Variants in GALNTL6 observed in about 807,000 individuals in gnomAD.
The protein encoded by GALNTL6 is polypeptide N-acetylgalactosaminyltransferase like 6, also known as polypeptide N-acetylgalactosaminyltransferase-like 6.
GALNTL6 carries 46 observed loss-of-function variants against 73.7 expected under a neutral mutation model. The observed-to-expected ratio is 0.62, with a 90% CI of 0.49 to 0.80. The LOEUF is 0.80. GALNTL6 is among the 30% of genes least tolerant of loss of function. The pLI, the probability that GALNTL6 is intolerant of heterozygous loss-of-function variation, is 0.00. For missense variants in GALNTL6, 604 were observed against 755.0 expected (o/e 0.80, Z 2.34); for synonymous variants, 259 against 263.7 (o/e 0.98, Z 0.17).
chr4:172,787,605 G>GATGGAAT (rs1739734953), intron 5 of GALNTL6, among the ~76,000 whole-genome samples: 1 of 152,200 alleles, frequency 6.6e-6, no homozygotes, highest in Non-Finnish European at 1.5e-5. Context: ...ATGGAATACA[G>GATGGAAT]AGCCCAAAGT....
chr4:172,499,690 C>A (rs567889803), intron 5 of GALNTL6, among the ~76,000 whole-genome samples: 1 of 152,228 alleles, frequency 6.6e-6, no homozygotes, highest in South Asian at 2.1e-4. Flanking sequence ...AATGCTTCAC[C>A]TAACAGTAAA....
At chr4:172,362,691 C>T (rs566009791) in intron 5 of GALNTL6, among the ~76,000 whole-genome samples, 10 of 152,286 alleles carry the variant, frequency 6.6e-5, no homozygotes, top group South Asian at 2.1e-4. Context: ...AGAAGGCACA[C>T]TGATACTTCA....
At chr4:172,733,097 T>C (rs1186631795) in intron 5 of GALNTL6, among the ~76,000 whole-genome samples, 1 of 152,244 alleles carries the variant, frequency 6.6e-6, no homozygotes, top group East Asian at 1.9e-4. Flanking sequence ...CCCTTTAGCA[T>C]TTCTTGCAAA....
chr4:172,425,769 TTATGC>T (rs1227421734), intron 5 of GALNTL6, among the ~76,000 whole-genome samples: 1 of 152,042 alleles, frequency 6.6e-6, no homozygotes, highest in African/African-American at 2.4e-5. Context: ...CAAAATAAAA[TTATGC>T]TATGTTTAAT....
rs138534585 is a variant in GALNTL6 at position 172,606,838 on chromosome 4, G to A, written c.554-202523G>A. ...CTTCAGAAGATATTGTAATTGAATT[G>A]ATCAGTCTTAGAAGTTGGAAGAGGA... On this transcript the variant is annotated intron_variant, in intron 5 of 12. Coordinates refer to ENST00000506823, the MANE Select transcript of GALNTL6 (RefSeq NM_001034845.3). Among the ~76,000 whole-genome samples, 26 of 151,218 alleles carry A rather than the reference G, an allele frequency of 1.7e-4. No homozygotes were observed. The East Asian group carries it at 5.1e-3, about 29-fold the overall frequency.
At chr4:172,719,563 C>T (rs1178415236) in intron 5 of GALNTL6, among the ~76,000 whole-genome samples, 1 of 152,098 alleles carries the variant, frequency 6.6e-6, no homozygotes, top group Non-Finnish European at 1.5e-5. Flanking sequence ...CTTCTAAATG[C>T]AGGTAGAAAA....
intron 5 of GALNTL6, among the ~76,000 whole-genome samples, chr4:172,525,848 G>A (rs1344256254): frequency 1.3e-5 from 2 of 152,168 alleles, no homozygotes; most frequent in Admixed American, 1.3e-4. Flanking sequence ...GGGTGACAGA[G>A]CAAGACCCTG....
chr4:172,240,319 G>A (rs1737378857), intron 3 of GALNTL6, among the ~76,000 whole-genome samples: 1 of 152,002 alleles, frequency 6.6e-6, no homozygotes, highest in Admixed American at 6.6e-5. Flanking sequence ...CGCCTCCTGG[G>A]TTCATGCCAT....
intron 5 of GALNTL6, among the ~76,000 whole-genome samples, chr4:172,763,941 AATTT>A (rs1213230360): frequency 6.8e-6 from 1 of 148,090 alleles, no homozygotes; most frequent in East Asian, 2.0e-4. Context: ...AAAAAAGAGC[AATTT>A]CAAACAAGGT....
At chr4:171,940,646 A>G (rs1738501363) in intron 2 of GALNTL6, among the ~76,000 whole-genome samples, 1 of 151,858 alleles carries the variant, frequency 6.6e-6, no homozygotes, top group Non-Finnish European at 1.5e-5. Context: ...ACATGGTGAA[A>G]CCACGTCTCT....
intron 2 of GALNTL6, among the ~76,000 whole-genome samples, chr4:172,158,113 T>G (rs924197047): frequency 6.6e-6 from 1 of 152,172 alleles, no homozygotes. Context: ...TTGATTCACC[T>G]CAGGTGCATG....
At chr4:172,102,887 G>C (rs1404549579) in intron 2 of GALNTL6, among the ~76,000 whole-genome samples, 1 of 152,164 alleles carries the variant, frequency 6.6e-6, no homozygotes, top group Non-Finnish European at 1.5e-5. Context: ...TGGGGCCTAA[G>C]AAGAGGGAGA....
chr4:172,535,136 T>G (rs1056588002), intron 5 of GALNTL6, among the ~76,000 whole-genome samples: 2 of 152,212 alleles, frequency 1.3e-5, no homozygotes, highest in Non-Finnish European at 2.9e-5. Flanking sequence ...TTTCCTACAT[T>G]AAAACATTTT....
chr4:172,943,998 T>C (rs1365991632), intron 9 of GALNTL6, among the ~76,000 whole-genome samples: 2 of 152,178 alleles, frequency 1.3e-5, no homozygotes, highest in Non-Finnish European at 2.9e-5. Context: ...TAATACAAAA[T>C]CAATCATAGA....
rs837216 is a variant in GALNTL6, at chr4:172,632,275, C to T, written c.554-177086C>T. ...TTTGGAACTGGGTAACAGGCAGAGG[C>T]TGGAACAGTTTGGAAGCTCAGAAGA... is the stretch of plus-strand genomic sequence containing the variant. On this transcript the variant is annotated intron_variant, in intron 5 of 12. Transcript: ENST00000506823. Among the ~76,000 whole-genome samples the T allele has an allele frequency of 8.3e-3, 1,262 of 152,258 alleles. 17 individuals carry two copies. The highest frequency in any genetic ancestry group is 0.029 in the African/African-American group (1,210 of 41,538).
chr4:172,568,293 G>A (rs1042240499), intron 5 of GALNTL6, among the ~76,000 whole-genome samples: 2 of 152,072 alleles, frequency 1.3e-5, no homozygotes, highest in African/African-American at 4.8e-5. Flanking sequence ...AATAGAACTT[G>A]GCGGCTGATT....
intron 3 of GALNTL6, among the ~76,000 whole-genome samples, chr4:172,256,699 C>T (rs573487072): frequency 6.6e-6 from 1 of 151,508 alleles, no homozygotes; most frequent in South Asian, 2.1e-4. Context: ...CCTATCTGTC[C>T]TATCTTGTTA....
intron 2 of GALNTL6, among the ~76,000 whole-genome samples, chr4:171,946,316 A>G (rs556711824): frequency 6.6e-6 from 1 of 152,336 alleles, no homozygotes; most frequent in South Asian, 2.1e-4. Context: ...CAGTAGAACA[A>G]TGACTAAAAT....
intron 2 of GALNTL6, among the ~76,000 whole-genome samples, chr4:171,979,001 A>T (rs1739806295): frequency 6.6e-6 from 1 of 152,178 alleles, no homozygotes; most frequent in African/African-American, 2.4e-5. Context: ...TGTCCCTTTT[A>T]GGTTCAAGTC....
Sources: gnomAD v4.1 joint callset for allele counts (sites outside exome capture counted in the v4.1 genomes callset) on GRCh38, gnomAD v4.1.1 for gene constraint, MANE v1.5 for transcripts, NCBI Gene and HGNC (gene_info 2026-07-23, HGNC 2026-07-21) for gene names.